PHACTR2: variants seen among roughly 807,000 people sequenced by gnomAD.
PHACTR2 encodes the protein chromosome 6 open reading frame 56.
A neutral mutation model predicts 76.0 loss-of-function variants in PHACTR2; 30 were observed. The ratio of observed to expected loss-of-function variants is 0.39; its 90% confidence interval spans 0.30 to 0.54. The LOEUF (loss-of-function observed/expected upper bound fraction) is 0.54. Among genes scored for constraint, PHACTR2 ranks in the 20% least tolerant of loss-of-function variants. PHACTR2 has a pLI of 0.61. For synonymous variants in PHACTR2, 292 were observed against 292.5 expected (o/e 1.00, Z 0.02); for missense variants, 696 against 781.1 (o/e 0.89, Z 1.30).
In PHACTR2 at chr6:143,597,962, G is replaced by A. The variant is rs540936760; in HGVS notation, c.217+60755G>A. ...CACGCAAGACTTCAGGTGCACCTAC[G>A]GAAGTAGCGGTGGGGGCTTTGGCTG... On this transcript the variant is annotated intron_variant, in intron 1 of 11. Transcript: ENST00000367584. The surrounding 1 kb of genome is among the most constrained non-coding windows in gnomAD (Gnocchi z 5.7). 3.3e-5 allele frequency among the ~76,000 whole-genome samples: 5 copies of A among 152,106 alleles called. No individual in the cohort carries two copies. In the South Asian group the frequency reaches 6.2e-4, roughly 19 times the overall value.
Position 143,570,844 on chromosome 6 carries a change from C to T in PHACTR2, c.217+33637C>T, listed in dbSNP as rs1035733025. ...TTTATTGCAAATCCCTCCCCGGACT[C>T]CTCCTCTTCTTCCAAAATTCAGGCT... On this transcript the variant is annotated intron_variant, in intron 1 of 11. Transcript: ENST00000367584. This position sits in a 1 kb window ranked among gnomAD's most constrained non-coding sequence, Gnocchi z 4.6. Among the ~76,000 whole-genome samples the T allele has an allele frequency of 3.3e-5, 5 of 152,126 alleles. No homozygotes were observed. The highest frequency in any genetic ancestry group is 5.9e-5 in the Non-Finnish European group (4 of 68,004).
intron 2 of PHACTR2, among the ~76,000 whole-genome samples, chr6:143,728,216 C>CTTTTTTTTTTTTTTT (rs548709835): frequency 2.1e-4 from 18 of 83,730 alleles, no homozygotes; most frequent in Non-Finnish European, 3.4e-4. Context: ...TTTTTTCTTT[C>CTTTTTTTTTTTTTTT]TTTTTTTTTT....
chr6:143,692,748 T>G (rs1039190553), intron 1 of PHACTR2, among the ~76,000 whole-genome samples: 2 of 152,236 alleles, frequency 1.3e-5, no homozygotes, highest in African/African-American at 4.8e-5. Flanking sequence ...GGAGGTGAGG[T>G]TGAAAGCTGT....
intron 2 of PHACTR2, among the ~76,000 whole-genome samples, chr6:143,724,232 T>C (rs1778507162): frequency 6.6e-6 from 1 of 152,096 alleles, no homozygotes; most frequent in African/African-American, 2.4e-5. Flanking sequence ...GCCTCCTTCA[T>C]GCCATTCTCT....
At position 143,827,220 on chromosome 6, in the gene PHACTR2, C is replaced by T. The variant is rs1363674181; in HGVS notation, c.*3531C>T. 1 of 122,874 alleles carries T rather than the reference C, an allele frequency of 8.1e-6. No homozygotes were observed. Among genetic ancestry groups the T allele is most frequent in the Non-Finnish European group, 1.7e-5 (1 of 59,032 alleles). 7.6% of individuals were successfully genotyped at this position (122,874 alleles called of 1,614,324 possible). A position where few individuals can be genotyped will look rare whatever the true frequency, so the allele number is the denominator to read the frequency against. On this transcript the variant is annotated 3_prime_UTR_variant, in exon 13 of 13. Coordinates refer to ENST00000440869, the MANE Select transcript of PHACTR2 (RefSeq NM_001100164.2). ...TATATGTATATTATATATACAGTAG[C>T]TTACACTTAAAAGAGGAAAAATTTG...
chr6:143,637,896 T>C (rs1776490445), intron 1 of PHACTR2, among the ~76,000 whole-genome samples: 1 of 152,240 alleles, frequency 6.6e-6, no homozygotes, highest in African/African-American at 2.4e-5. Context: ...ATGTTCTAGT[T>C]GTTAGAAACA....
rs1366793313 is a variant in PHACTR2, at chr6:143,652,312, C to T, written c.13+43990C>T. 6.6e-6 allele frequency among the ~76,000 whole-genome samples: 1 copy of T among 152,130 alleles called. No individual in the cohort carries two copies. The highest frequency in any genetic ancestry group is 2.4e-5 in the African/African-American group (1 of 41,432). ...GTTTAGTGATTAAGTGTACAATCCC[C>T]AATAAAATATTTTGAAGTTTTTCCA... On this transcript the variant is annotated intron_variant, in intron 1 of 11. Transcript: ENST00000305766. The surrounding 1 kb of genome is among the most constrained non-coding windows in gnomAD (Gnocchi z 4.5).
chr6:143,599,299 A>G lies in PHACTR2; in HGVS notation c.217+62092A>G, dbSNP rs536538900. Reference sequence around the variant, plus strand: ...GAGAAAACTAAACTTTCATTAGGCTATTTAAGGAGATCAGGCAGAAATTGA... The same window carrying G: ...GAGAAAACTAAACTTTCATTAGGCTGTTTAAGGAGATCAGGCAGAAATTGA... On this transcript the variant is annotated intron_variant, in intron 1 of 11. Coordinates refer to the PHACTR2 transcript ENST00000367584. The surrounding 1 kb of genome is among the most constrained non-coding windows in gnomAD (Gnocchi z 4.6). Among the ~76,000 whole-genome samples, 3 of 152,364 alleles carry G rather than the reference A, an allele frequency of 2.0e-5. No individual in the cohort carries two copies. Among genetic ancestry groups the G allele is most frequent in the Admixed American group, 2.0e-4 (3 of 15,312 alleles).
At chr6:143,713,084 G>T (rs552494730) in intron 2 of PHACTR2, among the ~76,000 whole-genome samples, 39 of 152,284 alleles carry the variant, frequency 2.6e-4, no homozygotes, top group African/African-American at 9.1e-4. Flanking sequence ...GTTAGTGGAT[G>T]TACAGGGTCA....
chr6:143,560,835 A>G lies in PHACTR2; in HGVS notation c.217+23628A>G, dbSNP rs116522361. 1.8e-3 allele frequency among the ~76,000 whole-genome samples: 266 copies of G among 151,908 alleles called. 1 individual carries two copies. The highest frequency in any genetic ancestry group is 5.8e-3 in the African/African-American group (239 of 41,418). ...GCATATAAGGACTTTATTTTGGGAA[A>G]TAGTGAGGAACTCTGGGGGATTGGG... On this transcript the variant is annotated intron_variant, in intron 1 of 11. Coordinates refer to the PHACTR2 transcript ENST00000367584.
chr6:143,626,945 G>A (rs906387258), intron 1 of PHACTR2, among the ~76,000 whole-genome samples: 3 of 152,144 alleles, frequency 2.0e-5, no homozygotes, highest in African/African-American at 7.2e-5. Context: ...AATTGTCTTT[G>A]GAGCTACTTT....
At chr6:143,574,743 G>A (rs1775486384) in intron 1 of PHACTR2, among the ~76,000 whole-genome samples, 1 of 149,994 alleles carries the variant, frequency 6.7e-6, no homozygotes, top group South Asian at 2.1e-4. Context: ...AATTTGATGT[G>A]AATATTTTCC....
rs921926453 is a variant in PHACTR2, at chr6:143,678,194, C to G, written c.31C>G (p.Pro11Ala). Residue 11 changes from proline (P) to alanine (A), a missense_variant, in exon 1 of 13, where the codon CCG becomes GCG. Physicochemically the swap from Pro to Ala is conservative, Grantham distance 27. Coordinates refer to ENST00000440869, the MANE Select transcript of PHACTR2 (RefSeq NM_001100164.2). This position sits in a 1 kb window ranked among gnomAD's most constrained non-coding sequence, Gnocchi z 6.2. ...CCAGACCTCGGTGTCCACGCTGTCC[C>G]CGCAGCCCGGCAGCGGTGAGTCCGG... MGQTSVSTLS[P>A]QPGSVDGLDK... The G allele has an allele frequency of 2.0e-6, 3 of 1,537,446 alleles. No homozygotes were observed. Among genetic ancestry groups the G allele is most frequent in the Non-Finnish European group, 2.6e-6 (3 of 1,141,442 alleles).
Position 143,772,165 on chromosome 6 carries a change from G to A in PHACTR2, c.1233-93G>A. The A allele has an allele frequency of 1.2e-6, 1 of 831,988 alleles. No individual in the cohort carries two copies. The highest frequency in any genetic ancestry group is 2.1e-6 in the Non-Finnish European group (1 of 482,972). 51.5% of individuals were successfully genotyped at this position (831,988 alleles called of 1,614,324 possible). On this transcript the variant is annotated intron_variant, in intron 6 of 12. Coordinates refer to ENST00000440869, the MANE Select transcript of PHACTR2 (RefSeq NM_001100164.2). The surrounding 1 kb of genome is among the most constrained non-coding windows in gnomAD (Gnocchi z 5.4). ...GTCTGCTTTCCTCAGCCTGAAGGAA[G>A]CCCATGAAACTAGAGCTCTTTTTCT...
At chr6:143,673,873 G>A (rs1777197861), upstream of PHACTR2, among the ~76,000 whole-genome samples, 1 of 151,888 alleles carries the variant, frequency 6.6e-6, no homozygotes, top group Admixed American at 6.6e-5. Flanking sequence ...TTTAGCTTGA[G>A]CAAGCAGAAG....
intron 1 of PHACTR2, among the ~76,000 whole-genome samples, chr6:143,649,385 CA>C (rs1438720229): frequency 6.6e-6 from 1 of 151,994 alleles, no homozygotes; most frequent in African/African-American, 2.4e-5. Context: ...AGAGATACAA[CA>C]AAAAAAGAAA....
At position 143,562,439 on chromosome 6, in the gene PHACTR2, C is replaced by T. The variant is rs890283549; in HGVS notation, c.217+25232C>T. On this transcript the variant is annotated intron_variant, in intron 1 of 11. Transcript: ENST00000367584. This position sits in a 1 kb window ranked among gnomAD's most constrained non-coding sequence, Gnocchi z 5.1. ...CTTACTTTTAAGTGACCAGGTCTCA[C>T]GAGAACTCACTCACTATTGCAAAGA... 5.9e-5 allele frequency among the ~76,000 whole-genome samples: 9 copies of T among 152,052 alleles called. No homozygotes were observed. Among genetic ancestry groups the T allele is most frequent in the Non-Finnish European group, 8.8e-5 (6 of 67,986 alleles).
rs1181699557 is a variant in PHACTR2, at chr6:143,671,338, C to T, written c.14-40678C>T. Among the ~76,000 whole-genome samples the T allele has an allele frequency of 1.3e-5, 2 of 152,134 alleles. No individual in the cohort carries two copies. The highest frequency in any genetic ancestry group is 2.4e-5 in the African/African-American group (1 of 41,414). ...CCAACCACACCATTTCCCCTGGATTCCTCAAACATATGCCATGCTCCTGTC... is the reference window on the plus strand; with the variant it reads ...CCAACCACACCATTTCCCCTGGATTTCTCAAACATATGCCATGCTCCTGTC... On this transcript the variant is annotated intron_variant, in intron 1 of 11. Coordinates refer to the PHACTR2 transcript ENST00000305766. This position sits in a 1 kb window ranked among gnomAD's most constrained non-coding sequence, Gnocchi z 4.6.
chr6:143,732,239 T>G (rs1437852284), intron 2 of PHACTR2, among the ~76,000 whole-genome samples: 1 of 152,230 alleles, frequency 6.6e-6, no homozygotes, highest in Non-Finnish European at 1.5e-5. Context: ...ACAATCAATT[T>G]TAAACATTTC....
Sources: allele counts gnomAD v4.1 joint callset (sites outside exome capture counted in the v4.1 genomes callset), GRCh38; gene constraint gnomAD v4.1.1; non-coding constraint Gnocchi (gnomAD v3.1); transcripts MANE v1.5; gene names NCBI Gene and HGNC (gene_info 2026-07-23, HGNC 2026-07-21).